The following ALDH1A2 variants were observed in gnomAD, a reference collection of about 807,000 sequenced individuals.
ALDH1A2 encodes retinal dehydrogenase 2.
ALDH1A2 carries 27 observed loss-of-function variants against 60.3 expected under a neutral mutation model. The observed-to-expected ratio is 0.45, with a 90% CI of 0.33 to 0.62. The LOEUF (loss-of-function observed/expected upper bound fraction) is 0.62, where lower values mean the gene tolerates loss of function less well. ALDH1A2 is among the 20% of genes least tolerant of loss of function. The pLI is 0.02. For synonymous variants in ALDH1A2, 289 were observed against 232.4 expected, an observed-to-expected ratio of 1.24 and a Z score of -2.21; for missense variants, 581 against 643.8, an observed-to-expected ratio of 0.90 and a Z score of 1.06.
intron 1 of ALDH1A2, among the ~76,000 whole-genome samples, chr15:58,022,162 G>C (rs1202463735): frequency 1.3e-5 from 2 of 152,084 alleles, no homozygotes; most frequent in South Asian, 2.1e-4. Context: ...TCACCACTGT[G>C]GGGGCTGAAC....
At chr15:58,057,335 A>G (rs546458489) in intron 1 of ALDH1A2, among the ~76,000 whole-genome samples, 28 of 152,240 alleles carry the variant, frequency 1.8e-4, no homozygotes, top group Admixed American at 1.0e-3. Context: ...TATATGGTAC[A>G]TATATATAAA....
chr15:58,021,898 G>T (rs1265792701), intron 1 of ALDH1A2, among the ~76,000 whole-genome samples: 1 of 152,226 alleles, frequency 6.6e-6, no homozygotes, highest in East Asian at 1.9e-4. Flanking sequence ...CTGGGCAGGG[G>T]TTGCTGCAGC....
chr15:58,062,338 G>A (rs1349417209), intron 1 of ALDH1A2, among the ~76,000 whole-genome samples: 6 of 152,136 alleles, frequency 3.9e-5, no homozygotes, highest in Admixed American at 6.5e-5. Flanking sequence ...GACCGGTACA[G>A]CCAGAAGAGA....
intron 4 of ALDH1A2, among the ~76,000 whole-genome samples, chr15:58,008,263 T>G (rs1230115167): frequency 6.6e-6 from 1 of 152,074 alleles, no homozygotes; most frequent in African/African-American, 2.4e-5. Flanking sequence ...AACAGTTACT[T>G]AGAGTTTAAG....
intron 1 of ALDH1A2, among the ~76,000 whole-genome samples, chr15:58,015,262 C>CA (rs1206481016): frequency 6.6e-6 from 1 of 151,822 alleles, no homozygotes; most frequent in Non-Finnish European, 1.5e-5. Context: ...AAAAAATAAT[C>CA]AGAGATGAGG....
chr15:58,044,122 G>A (rs1406908281), intron 1 of ALDH1A2, among the ~76,000 whole-genome samples: 2 of 151,930 alleles, frequency 1.3e-5, no homozygotes, highest in Non-Finnish European at 2.9e-5. Context: ...AGATCCGAGT[G>A]ATCTTTGCTG....
intron 1 of ALDH1A2, among the ~76,000 whole-genome samples, chr15:58,025,836 A>G (rs1410019395): frequency 1.3e-5 from 2 of 152,202 alleles, no homozygotes; most frequent in African/African-American, 2.4e-5. Context: ...AGAGAGAGCA[A>G]GAGAGAAAAG....
At chr15:57,961,054 T>C in intron 11 of ALDH1A2, 83 bp downstream of exon 11, 1 of 1,570,014 alleles carries the variant, frequency 6.4e-7, no homozygotes, top group Non-Finnish European at 8.7e-7. Context: ...GTATTCCCCA[T>C]CCTTCCAAGG....
chr15:58,002,549 T>G (rs988745041), intron 4 of ALDH1A2, among the ~76,000 whole-genome samples: 10 of 151,942 alleles, frequency 6.6e-5, no homozygotes, highest in Middle Eastern at 3.2e-3. Context: ...TGAGTATGAC[T>G]AAGCAATCTG....
At chr15:58,015,590 AG>A (rs1203649894) in intron 1 of ALDH1A2, among the ~76,000 whole-genome samples, 1 of 152,250 alleles carries the variant, frequency 6.6e-6, no homozygotes, top group Admixed American at 6.5e-5. Context: ...TTCTAGTCAC[AG>A]GAAAAATAAA....
In ALDH1A2 at chr15:58,043,826, TAATG is replaced by T. The variant is rs557693684; in HGVS notation, c.117+21704_117+21707del. On this transcript the variant is annotated intron_variant, in intron 1 of 12. Transcript: ENST00000249750. ...ATTAAAGCACTATTTTAAAATGCTCTAATGAATGAGAATCTTTTTCTCGGTCTAA... is the reference window on the plus strand; with the variant it reads ...ATTAAAGCACTATTTTAAAATGCTCTAATGAGAATCTTTTTCTCGGTCTAA... 5.3e-5 allele frequency among the ~76,000 whole-genome samples: 8 copies of T among 152,146 alleles called. No individual in the cohort carries two copies. In the South Asian group the frequency reaches 1.7e-3, roughly 32 times the overall value.
At chr15:58,057,640 G>A (rs989083783) in intron 1 of ALDH1A2, among the ~76,000 whole-genome samples, 2 of 152,078 alleles carry the variant, frequency 1.3e-5, no homozygotes, top group Non-Finnish European at 2.9e-5. Context: ...TGCTGAGCTG[G>A]AAACATCTCT....
At chr15:57,980,147 C>A (rs1273233067) in intron 7 of ALDH1A2, 2 of 285,174 alleles carry the variant, frequency 7.0e-6, no homozygotes, top group Non-Finnish European at 1.5e-5. Flanking sequence ...CATTTGCAGC[C>A]CGATGACGCA....
intron 1 of ALDH1A2, among the ~76,000 whole-genome samples, chr15:58,033,156 A>G (rs1469926171): frequency 6.6e-6 from 1 of 152,004 alleles, no homozygotes; most frequent in Non-Finnish European, 1.5e-5. Context: ...AGTGATGGAC[A>G]CCTTTAATAT....
chr15:58,043,625 T>G (rs938191684), intron 1 of ALDH1A2, among the ~76,000 whole-genome samples: 1 of 151,966 alleles, frequency 6.6e-6, no homozygotes, highest in South Asian at 2.1e-4. Context: ...TACAAAGACA[T>G]CATTTGAAAC....
At chr15:58,028,950 G>A (rs1255870438) in intron 1 of ALDH1A2, among the ~76,000 whole-genome samples, 1 of 152,058 alleles carries the variant, frequency 6.6e-6, no homozygotes, top group Non-Finnish European at 1.5e-5. Flanking sequence ...CAATAATAAT[G>A]GGAGACTTTA....
intron 1 of ALDH1A2, among the ~76,000 whole-genome samples, chr15:58,062,281 A>G (rs1216827700): frequency 6.6e-6 from 1 of 152,168 alleles, no homozygotes; most frequent in Admixed American, 6.5e-5. Flanking sequence ...AAAGTGACCA[A>G]GAGAAAGACA....
chr15:58,039,188 C>T (rs1384719941), intron 1 of ALDH1A2, among the ~76,000 whole-genome samples: 1 of 151,768 alleles, frequency 6.6e-6, no homozygotes, highest in Non-Finnish European at 1.5e-5. Flanking sequence ...CATAAAACCG[C>T]CACAGACTGG....
At chr15:58,005,978 G>C (rs1403276730) in intron 4 of ALDH1A2, among the ~76,000 whole-genome samples, 1 of 151,694 alleles carries the variant, frequency 6.6e-6, no homozygotes, top group African/African-American at 2.4e-5. Flanking sequence ...AATAAGTACA[G>C]AGTGTTCTCA....
Sources: gnomAD v4.1 joint callset for allele counts (sites outside exome capture counted in the v4.1 genomes callset) on GRCh38, gnomAD v4.1.1 for gene constraint, MANE v1.5 for transcripts, NCBI Gene and HGNC (gene_info 2026-07-23, HGNC 2026-07-21) for gene names.